The following SDCCAG8 variants were observed in gnomAD, a reference collection of about 807,000 sequenced individuals.
SDCCAG8 encodes serologically defined colon cancer antigen 8.
Under a neutral mutation model 101.8 loss-of-function variants are expected in SDCCAG8, and 74 were observed. The observed-to-expected ratio is 0.73, with a 90% CI of 0.60 to 0.88. The LOEUF (loss-of-function observed/expected upper bound fraction) is 0.88, where lower values mean the gene tolerates loss of function less well. SDCCAG8 is among the 40% of genes least tolerant of loss of function. The pLI, the probability that SDCCAG8 is intolerant of heterozygous loss-of-function variation, is 0.00. For missense variants in SDCCAG8, 787 were observed against 822.6 expected, an observed-to-expected ratio of 0.96 and a Z score of 0.53; for synonymous variants, 281 against 292.9, an observed-to-expected ratio of 0.96 and a Z score of 0.41.
At chr1:243,497,343 G>GT (rs1158343449) in intron 17 of SDCCAG8, among the ~76,000 whole-genome samples, 1 of 146,380 alleles carries the variant, frequency 6.8e-6, no homozygotes, top group Non-Finnish European at 1.5e-5. Flanking sequence ...CGGGTGGGGG[G>GT]GGGGGCGTTG....
At chr1:243,464,736 G>C (rs1217477789) in intron 16 of SDCCAG8, among the ~76,000 whole-genome samples, 1 of 152,184 alleles carries the variant, frequency 6.6e-6, no homozygotes, top group Non-Finnish European at 1.5e-5. Flanking sequence ...ACAAGAAGTC[G>C]ATGGAGGGAA....
intron 16 of SDCCAG8, among the ~76,000 whole-genome samples, chr1:243,480,637 G>A (rs1409364184): frequency 3.6e-5 from 2 of 56,018 alleles, no homozygotes; most frequent in African/African-American, 7.6e-5. Context: ...GGATGGATGG[G>A]TGTGATGGAT....
intron 16 of SDCCAG8, among the ~76,000 whole-genome samples, chr1:243,444,788 T>A (rs2082786009): frequency 6.6e-6 from 1 of 152,254 alleles, no homozygotes; most frequent in Non-Finnish European, 1.5e-5. Flanking sequence ...GAATATTATT[T>A]AATTTTATAC....
At chr1:243,349,361 A>G (rs2075953077) in intron 12 of SDCCAG8, among the ~76,000 whole-genome samples, 1 of 152,206 alleles carries the variant, frequency 6.6e-6, no homozygotes, top group South Asian at 2.1e-4. Context: ...ACCTACTCAT[A>G]TATGTATCAC....
intron 5 of SDCCAG8, among the ~76,000 whole-genome samples, chr1:243,292,466 A>T (rs985199036): frequency 3.3e-5 from 5 of 152,184 alleles, no homozygotes; most frequent in African/African-American, 4.8e-5. Flanking sequence ...GGGTTTTAGG[A>T]ATTCTGTGTC....
intron 9 of SDCCAG8, among the ~76,000 whole-genome samples, chr1:243,320,066 C>T (rs10926989): frequency 0.26 from 38,941 of 152,150 alleles, 5,244 homozygotes; most frequent in South Asian, 0.43. Flanking sequence ...CATTCACTCT[C>T]CCAAATCTGC....
intron 16 of SDCCAG8, among the ~76,000 whole-genome samples, chr1:243,464,143 T>C (rs1342435697): frequency 1.3e-5 from 2 of 152,154 alleles, no homozygotes; most frequent in Admixed American, 1.3e-4. Context: ...CTAAAAGTGA[T>C]TTTTGTAAAT....
At chr1:243,498,879 G>A (rs186461967) in intron 17 of SDCCAG8, among the ~76,000 whole-genome samples, 72 of 152,334 alleles carry the variant, frequency 4.7e-4, no homozygotes, top group Non-Finnish European at 6.6e-4. Flanking sequence ...CCTGCAGTGC[G>A]TCCCAATTTA....
Position 243,341,086 on chromosome 1 carries a change from A to G in SDCCAG8, c.1269A>G (p.Glu423=). ...QNIAQLEAQV[E]KVTKEKISAI... is the part of the protein sequence containing the mutation. Reference sequence around the variant, plus strand: ...TTGCCCAACTGGAGGCCCAGGTGGAAAAGGTTACAAAGGAAAAGATTTCAG... The same window carrying G: ...TTGCCCAACTGGAGGCCCAGGTGGAGAAGGTTACAAAGGAAAAGATTTCAG... The change falls in exon 11 of 18, where the codon GAA becomes GAG. Residue 423 remains glutamate, a synonymous_variant. Transcript: ENST00000366541. 6.2e-7 allele frequency: 1 copy of G among 1,614,044 alleles called. No homozygotes were observed. The highest frequency in any genetic ancestry group is 8.5e-7 in the Non-Finnish European group (1 of 1,179,866).
At chr1:243,356,654 A>G (rs2076402080) in intron 12 of SDCCAG8, among the ~76,000 whole-genome samples, 1 of 152,086 alleles carries the variant, frequency 6.6e-6, no homozygotes, top group African/African-American at 2.4e-5. Context: ...TACTGGTATG[A>G]AAATCCCTTT....
At chr1:243,364,062 A>G (rs548744541) in intron 12 of SDCCAG8, among the ~76,000 whole-genome samples, 1 of 152,316 alleles carries the variant, frequency 6.6e-6, no homozygotes, top group Admixed American at 6.5e-5. Flanking sequence ...GTTTTCTAAG[A>G]ACTCCCCATA....
At chr1:243,325,621 T>C (rs975038915) in intron 9 of SDCCAG8, among the ~76,000 whole-genome samples, 2 of 152,128 alleles carry the variant, frequency 1.3e-5, no homozygotes, top group Admixed American at 6.6e-5. Context: ...TTGAGAAGTA[T>C]ATAATGCCAT....
Position 243,428,035 on chromosome 1 carries a change from T to C in SDCCAG8, c.1985+1477T>C, listed in dbSNP as rs966067983. 8.5e-5 allele frequency among the ~76,000 whole-genome samples: 13 copies of C among 152,234 alleles called. 1 individual carries two copies. The highest frequency in any genetic ancestry group is 7.9e-4 in the Admixed American group (12 of 15,284). On this transcript the variant is annotated intron_variant, in intron 16 of 17. Transcript: ENST00000366541. Reference sequence around the variant, plus strand: ...CAAAATGAGCCAGAGGATTTGGCCATTGGGCCAGCCTTTGCCCCAGTCCTG... The same window carrying C: ...CAAAATGAGCCAGAGGATTTGGCCACTGGGCCAGCCTTTGCCCCAGTCCTG...
At position 243,427,153 on chromosome 1, in the gene SDCCAG8, A is replaced by G. The variant is rs537325780; in HGVS notation, c.1985+595A>G. Among the ~76,000 whole-genome samples the G allele has an allele frequency of 9.5e-4, 144 of 152,344 alleles. 1 individual carries two copies. Among genetic ancestry groups the G allele is most frequent in the African/African-American group, 3.1e-3 (130 of 41,572 alleles). ...TATAATATGGCAAAGCACATGGCTC[A>G]TAAAGGCCACCCACTAAATGTCATC... On this transcript the variant is annotated intron_variant, in intron 16 of 17. Transcript: ENST00000366541.
intron 6 of SDCCAG8, among the ~76,000 whole-genome samples, chr1:243,301,472 A>G (rs1044494387): frequency 4.6e-5 from 7 of 152,314 alleles, no homozygotes; most frequent in African/African-American, 1.7e-4. Flanking sequence ...AAGCAAATTC[A>G]TGACATTACA....
intron 4 of SDCCAG8, among the ~76,000 whole-genome samples, chr1:243,282,474 TTTATC>T (rs2069152088): frequency 6.6e-6 from 1 of 152,146 alleles, no homozygotes; most frequent in African/African-American, 2.4e-5. Flanking sequence ...AAGAAAATAT[TTTATC>T]TTATATCCAC....
intron 6 of SDCCAG8, among the ~76,000 whole-genome samples, chr1:243,298,048 C>CT (rs34885610): frequency 1.4e-3 from 193 of 137,838 alleles, no homozygotes; most frequent in South Asian, 4.7e-3. Flanking sequence ...TATAGTTTCA[C>CT]TTTTTTTTTT....
At chr1:243,383,922 C>T (rs1054936713) in intron 13 of SDCCAG8, among the ~76,000 whole-genome samples, 1 of 152,162 alleles carries the variant, frequency 6.6e-6, no homozygotes, top group Non-Finnish European at 1.5e-5. Flanking sequence ...GAATACCCCT[C>T]TGACCTTCTC....
In SDCCAG8 at chr1:243,330,648, A is replaced by G. The variant is rs199609539; in HGVS notation, c.1177A>G (p.Met393Val). 6 of 1,614,142 alleles carry G rather than the reference A, an allele frequency of 3.7e-6. No homozygotes were observed. The highest frequency in any genetic ancestry group is 4.2e-6 in the Non-Finnish European group (5 of 1,180,002). Residue 393 changes from methionine (M) to valine (V), a missense_variant, in exon 10 of 18, where the codon ATG (methionine) becomes GTG (valine). Transcript: ENST00000366541. ...GAAAAGGGCCATTGAGAAAGACATG[A>G]TGAAAAAGGAAATAACGAAAGAAAG... ...QEKRAIEKDM[M>V]KKEITKEREY...
Sources: gnomAD v4.1 joint callset for allele counts (sites outside exome capture counted in the v4.1 genomes callset) on GRCh38, gnomAD v4.1.1 for gene constraint, MANE v1.5 for transcripts, NCBI Gene and HGNC (gene_info 2026-07-23, HGNC 2026-07-21) for gene names.